HS6ST3: variants seen among roughly 807,000 people sequenced by gnomAD.
The protein encoded by HS6ST3 is heparan sulfate 6-O-sulfotransferase 3.
Under a neutral mutation model 36.7 loss-of-function variants are expected in HS6ST3, and 12 were observed. The observed-to-expected ratio is 0.33, with a 90% CI of 0.21 to 0.53. HS6ST3 has a LOEUF of 0.53. Among genes scored for constraint, HS6ST3 ranks in the 20% least tolerant of loss-of-function variants. HS6ST3 has a pLI of 0.95. For synonymous variants in HS6ST3, 240 were observed against 257.5 expected, an observed-to-expected ratio of 0.93 and a Z score of 0.65; for missense variants, 584 against 640.9, an observed-to-expected ratio of 0.91 and a Z score of 0.96.
chr13:96,513,150 T>C (rs1045596969), intron 1 of HS6ST3, among the ~76,000 whole-genome samples: 8 of 152,314 alleles, frequency 5.3e-5, no homozygotes, highest in Admixed American at 1.3e-4. Flanking sequence ...TATTTTTCTC[T>C]TTTTAAATGC....
chr13:96,281,858 A>G (rs1199886155), intron 1 of HS6ST3, among the ~76,000 whole-genome samples: 1 of 152,176 alleles, frequency 6.6e-6, no homozygotes, highest in Non-Finnish European at 1.5e-5. Flanking sequence ...TGTCATCCTC[A>G]TGGCAAGATT....
intron 1 of HS6ST3, among the ~76,000 whole-genome samples, chr13:96,173,990 A>G (rs974879837): frequency 3.9e-5 from 6 of 152,150 alleles, no homozygotes; most frequent in South Asian, 4.1e-4. Flanking sequence ...TTGGGCATCA[A>G]AGTAAATTAT....
intron 1 of HS6ST3, among the ~76,000 whole-genome samples, chr13:96,365,140 T>G (rs913493000): frequency 6.6e-6 from 1 of 152,194 alleles, no homozygotes; most frequent in Non-Finnish European, 1.5e-5. Flanking sequence ...AGTCCAGGTT[T>G]TAAGTCAGAA....
At position 96,594,344 on chromosome 13, in the gene HS6ST3, C is replaced by A. The variant is rs115621704; in HGVS notation, c.708-238146C>A. On this transcript the variant is annotated intron_variant, in intron 1 of 1. Transcript: ENST00000376705. ...ATTCATATGTGAGGACTTACTACTG[C>A]CATTTCATTCATCGTTTTCTAGTTG... 2.8e-3 allele frequency among the ~76,000 whole-genome samples: 432 copies of A among 152,122 alleles called. 1 individual carries two copies. Among genetic ancestry groups the A allele is most frequent in the African/African-American group, 1.0e-2 (413 of 41,494 alleles).
At chr13:96,809,000 T>C (rs1878260545) in intron 1 of HS6ST3, among the ~76,000 whole-genome samples, 1 of 152,154 alleles carries the variant, frequency 6.6e-6, no homozygotes, top group African/African-American at 2.4e-5. Flanking sequence ...AATGATGGCA[T>C]TACCCTCCAT....
At chr13:96,574,594 T>C (rs977966975) in intron 1 of HS6ST3, 1 of 240,722 alleles carries the variant, frequency 4.2e-6, no homozygotes. Flanking sequence ...CCTGGTCCAG[T>C]TACTTCTATT....
intron 1 of HS6ST3, among the ~76,000 whole-genome samples, chr13:96,269,937 T>C (rs1927790): frequency 0.43 from 65,145 of 151,672 alleles, 14,380 homozygotes; most frequent in Middle Eastern, 0.52. Context: ...ATAAACCTTG[T>C]TGGTCTCTAG....
chr13:96,414,557 A>G (rs919138756), intron 1 of HS6ST3, among the ~76,000 whole-genome samples: 3 of 151,124 alleles, frequency 2.0e-5, no homozygotes, highest in African/African-American at 7.3e-5. Context: ...ATCTCGGCTC[A>G]CTGCTACTTC....
chr13:96,469,454 C>A (rs1255570374), intron 1 of HS6ST3, among the ~76,000 whole-genome samples: 2 of 152,128 alleles, frequency 1.3e-5, no homozygotes, highest in Non-Finnish European at 2.9e-5. Context: ...TGGTATCCAG[C>A]TCCTCCACCT....
chr13:96,336,293 A>G (rs932361150), intron 1 of HS6ST3, among the ~76,000 whole-genome samples: 7 of 152,032 alleles, frequency 4.6e-5, no homozygotes, highest in African/African-American at 2.4e-5. Flanking sequence ...TGCTTCTACT[A>G]TTTGCCTCTG....
At chr13:96,147,947 C>T (rs375238210) in intron 1 of HS6ST3, among the ~76,000 whole-genome samples, 7 of 152,284 alleles carry the variant, frequency 4.6e-5, no homozygotes, top group African/African-American at 1.7e-4. Context: ...GTAGGAGGTG[C>T]TCTGGACAAT....
chr13:96,765,235 G>T (rs1254571411), intron 1 of HS6ST3, among the ~76,000 whole-genome samples: 1 of 151,920 alleles, frequency 6.6e-6, no homozygotes, highest in African/African-American at 2.4e-5. Context: ...ACCGCGCCTG[G>T]CTAATTTTTT....
At chr13:96,522,200 C>T (rs1321155257) in intron 1 of HS6ST3, among the ~76,000 whole-genome samples, 1 of 152,200 alleles carries the variant, frequency 6.6e-6, no homozygotes, top group Admixed American at 6.5e-5. Flanking sequence ...TTTGATTCCA[C>T]TATGGTCTCA....
intron 1 of HS6ST3, among the ~76,000 whole-genome samples, chr13:96,156,443 T>A (rs1051254554): frequency 2.0e-5 from 3 of 152,166 alleles, no homozygotes; most frequent in African/African-American, 7.2e-5. Flanking sequence ...TTAGGTGACA[T>A]GATAAAAGCA....
At chr13:96,124,625 A>C (rs987693483) in intron 1 of HS6ST3, among the ~76,000 whole-genome samples, 1 of 152,142 alleles carries the variant, frequency 6.6e-6, no homozygotes. Context: ...TTGGATTTCT[A>C]CTTTTGAGCC....
intron 1 of HS6ST3, among the ~76,000 whole-genome samples, chr13:96,448,006 G>C (rs2055707589): frequency 6.6e-6 from 1 of 152,172 alleles, no homozygotes; most frequent in Admixed American, 6.5e-5. Flanking sequence ...ATTATAGTCT[G>C]AGGAGATGGT....
chr13:96,370,934 C>T (rs1039397920), intron 1 of HS6ST3, among the ~76,000 whole-genome samples: 13 of 151,890 alleles, frequency 8.6e-5, no homozygotes, highest in African/African-American at 2.9e-4. Flanking sequence ...ATAAAAATGT[C>T]GATTATTACT....
chr13:96,247,067 G>C (rs2054588023), intron 1 of HS6ST3, among the ~76,000 whole-genome samples: 1 of 151,946 alleles, frequency 6.6e-6, no homozygotes, highest in South Asian at 2.1e-4. Flanking sequence ...TTACACCCTG[G>C]GCTGAGAGAG....
At chr13:96,804,935 T>C (rs563135719) in intron 1 of HS6ST3, among the ~76,000 whole-genome samples, 4 of 152,348 alleles carry the variant, frequency 2.6e-5, no homozygotes, top group African/African-American at 9.6e-5. Context: ...TATGTATTTA[T>C]GTATTAATAA....
Sources: gnomAD v4.1 joint callset for allele counts (sites outside exome capture counted in the v4.1 genomes callset) on GRCh38, gnomAD v4.1.1 for gene constraint, MANE v1.5 for transcripts, NCBI Gene and HGNC (gene_info 2026-07-23, HGNC 2026-07-21) for gene names.